The following TRERF1 variants were observed in gnomAD, a reference collection of about 807,000 sequenced individuals.
TRERF1 encodes transcriptional-regulating factor 1.
TRERF1 carries 27 observed loss-of-function variants against 122.9 expected under a neutral mutation model. The observed-to-expected ratio is 0.22, with a 90% CI of 0.16 to 0.30. The LOEUF (loss-of-function observed/expected upper bound fraction) is 0.30. Among genes scored for constraint, TRERF1 ranks in the 10% least tolerant of loss-of-function variants. The pLI is 1.00. For missense variants in TRERF1, 1,248 were observed against 1,560.3 expected, an observed-to-expected ratio of 0.80 and a Z score of 3.37; for synonymous variants, 636 against 641.7, an observed-to-expected ratio of 0.99 and a Z score of 0.13.
intron 4 of TRERF1, among the ~76,000 whole-genome samples, chr6:42,272,283 G>C (rs1287276206): frequency 6.6e-6 from 1 of 152,202 alleles, no homozygotes; most frequent in Non-Finnish European, 1.5e-5. Flanking sequence ...TGAACTATGA[G>C]AGAAAGAGAT....
chr6:42,405,309 A>C (rs1167203448), intron 2 of TRERF1, among the ~76,000 whole-genome samples: 3 of 152,160 alleles, frequency 2.0e-5, no homozygotes, highest in Non-Finnish European at 4.4e-5. Flanking sequence ...ACAAGGTTAT[A>C]CTGATGTGTG....
At chr6:42,265,944 C>T in intron 5 of TRERF1, 147 bp from the exon 6 acceptor site, 1 of 771,774 alleles carries the variant, frequency 1.3e-6, no homozygotes. Flanking sequence ...CATGTCCACT[C>T]ACTCCCTCAC....
exon 18 of TRERF1, chr6:42,226,700 C>T (rs1009829033): frequency 2.0e-5 from 3 of 152,230 alleles, no homozygotes; most frequent in South Asian, 2.1e-4. Context: ...CCAGTTCCCC[C>T]CCATGAGTGT....
At position 42,259,292 on chromosome 6, in the gene TRERF1, T is replaced by C. The variant is rs1403552837; in HGVS notation, c.2269+47A>G. On this transcript the variant is annotated intron_variant, in intron 9 of 17. Coordinates refer to ENST00000372922, the Ensembl canonical transcript of TRERF1. This position sits in a 1 kb window ranked among gnomAD's most constrained non-coding sequence, Gnocchi z 4.9. ...TAAAGAAAACGAGATGTCCCAGGAC[T>C]TTACCCAGCACCCAGAGCCCAGGAG... 3.4e-6 allele frequency: 5 copies of C among 1,476,242 alleles called. No individual in the cohort carries two copies. The highest frequency in any genetic ancestry group is 4.5e-6 in the Non-Finnish European group (5 of 1,122,338). 91.4% of individuals were successfully genotyped at this position (1,476,242 alleles called of 1,614,324 possible). A position where few individuals can be genotyped will look rare whatever the true frequency, so the allele number is the denominator to read the frequency against.
chr6:42,438,219 G>A (rs1785797271), intron 2 of TRERF1, among the ~76,000 whole-genome samples: 1 of 151,842 alleles, frequency 6.6e-6, no homozygotes, highest in Non-Finnish European at 1.5e-5. Flanking sequence ...ACCGTGAGCG[G>A]CTTGCAGCTG....
intron 2 of TRERF1, among the ~76,000 whole-genome samples, chr6:42,368,196 G>A (rs767862596): frequency 1.8e-4 from 27 of 151,986 alleles, no homozygotes; most frequent in Admixed American, 6.6e-5. Flanking sequence ...GTAAATACTC[G>A]GTAGATTAAT....
intron 4 of TRERF1, among the ~76,000 whole-genome samples, chr6:42,279,314 G>A (rs980510121): frequency 3.9e-5 from 6 of 152,190 alleles, no homozygotes; most frequent in Admixed American, 1.3e-4. Flanking sequence ...AACTTGGGGC[G>A]TGGGGCCTTC....
intron 3 of TRERF1, among the ~76,000 whole-genome samples, chr6:42,344,187 T>C (rs373606871): frequency 1.1e-3 from 169 of 152,298 alleles, no homozygotes; most frequent in African/African-American, 3.9e-3. Context: ...GCCCCCACTA[T>C]TGTTCCAAAC....
At chr6:42,322,252 AGTT>A (rs1350307835) in intron 3 of TRERF1, among the ~76,000 whole-genome samples, 1 of 152,118 alleles carries the variant, frequency 6.6e-6, no homozygotes, top group African/African-American at 2.4e-5. Context: ...AAGGGAGTTA[AGTT>A]GTTATCTATC....
At chr6:42,247,741 G>A (rs776541460) in intron 13 of TRERF1, among the ~76,000 whole-genome samples, 2 of 152,170 alleles carry the variant, frequency 1.3e-5, no homozygotes, top group Non-Finnish European at 2.9e-5. Context: ...CTACTTCTAA[G>A]GGGACTCCTA....
Position 42,377,566 on chromosome 6 carries a change from A to G in TRERF1, c.-453-14487T>C, listed in dbSNP as rs577302746. Among the ~76,000 whole-genome samples the G allele has an allele frequency of 3.9e-5, 6 of 152,366 alleles. No individual in the cohort carries two copies. In the East Asian group the frequency reaches 9.6e-4, roughly 24 times the overall value. Reference sequence around the variant, plus strand: ...TAACACATTTCATTTATCCATGAAAATACTTTGTAAAGGACAGAACAAATG... The same window carrying G: ...TAACACATTTCATTTATCCATGAAAGTACTTTGTAAAGGACAGAACAAATG... On this transcript the variant is annotated intron_variant, in intron 2 of 17. Coordinates refer to ENST00000372922, the Ensembl canonical transcript of TRERF1.
At chr6:42,415,739 G>C (rs991461081) in intron 2 of TRERF1, among the ~76,000 whole-genome samples, 2 of 152,114 alleles carry the variant, frequency 1.3e-5, no homozygotes, top group Admixed American at 6.5e-5. Context: ...TTAGTACCAA[G>C]TGATCTTAGT....
intron 17 of TRERF1, among the ~76,000 whole-genome samples, chr6:42,229,725 A>T (rs36036867): frequency 5.9e-5 from 9 of 152,184 alleles, no homozygotes; most frequent in Admixed American, 5.9e-4. Context: ...CTCTTCGCCA[A>T]GCAAGGAATT....
chr6:42,447,271 A>T (rs1787683156), intron 2 of TRERF1, among the ~76,000 whole-genome samples: 1 of 152,226 alleles, frequency 6.6e-6, no homozygotes, highest in African/African-American at 2.4e-5. Flanking sequence ...ATTCTTAGAA[A>T]ATATCACAGA....
intron 13 of TRERF1, among the ~76,000 whole-genome samples, chr6:42,248,350 T>C (rs1474819373): frequency 1.4e-5 from 2 of 147,958 alleles, no homozygotes; most frequent in Admixed American, 6.6e-5. Context: ...TGCAAACTTA[T>C]CTTTTTCTTT....
intron 3 of TRERF1, among the ~76,000 whole-genome samples, chr6:42,353,803 T>G (rs1300268008): frequency 2.6e-5 from 4 of 152,234 alleles, no homozygotes; most frequent in African/African-American, 9.6e-5. Flanking sequence ...TAGTATAATT[T>G]CTTTATTGTT....
intron 12 of TRERF1, among the ~76,000 whole-genome samples, chr6:42,255,571 G>A (rs1188638039): frequency 6.6e-6 from 1 of 152,172 alleles, no homozygotes; most frequent in Non-Finnish European, 1.5e-5. Context: ...CTACTCCCAA[G>A]CCTCTGAATC....
Position 42,373,162 on chromosome 6 carries a change from G to C in TRERF1, c.-453-10083C>G, listed in dbSNP as rs187812494. 2.6e-3 allele frequency among the ~76,000 whole-genome samples: 396 copies of C among 152,354 alleles called. 1 individual carries two copies. Among genetic ancestry groups the C allele is most frequent in the Non-Finnish European group, 3.1e-3 (210 of 68,042 alleles). On this transcript the variant is annotated intron_variant, in intron 2 of 17. Coordinates refer to ENST00000372922, the Ensembl canonical transcript of TRERF1. ...TGGCCATCCTGCTGGTGTGGCCGGGGCACTTTCTTCTTTCTAACAGCCACA... is the reference window on the plus strand; with the variant it reads ...TGGCCATCCTGCTGGTGTGGCCGGGCCACTTTCTTCTTTCTAACAGCCACA...
At chr6:42,320,442 G>A (rs1282026629) in intron 3 of TRERF1, among the ~76,000 whole-genome samples, 2 of 151,700 alleles carry the variant, frequency 1.3e-5, no homozygotes, top group African/African-American at 4.9e-5. Flanking sequence ...AGACGAATAC[G>A]TTAACTGTAT....
Sources: gnomAD v4.1 joint callset for allele counts (sites outside exome capture counted in the v4.1 genomes callset) on GRCh38, gnomAD v4.1.1 for gene constraint, Gnocchi (gnomAD v3.1) non-coding constraint, MANE v1.5 for transcripts, NCBI Gene and HGNC (gene_info 2026-07-23, HGNC 2026-07-21) for gene names.